Variants in CENPT observed in about 807,000 individuals in gnomAD.
CENPT encodes centromere protein T, also known as interphase centromere complex protein 22.
Under a neutral mutation model 59.7 loss-of-function variants are expected in CENPT, and 42 were observed. That is an observed-to-expected ratio of 0.70 (90% CI 0.55 to 0.91). CENPT has a LOEUF of 0.91. Ranked by LOEUF, CENPT falls within the 40% of genes least tolerant of loss-of-function variation. The pLI, the probability that CENPT is intolerant of heterozygous loss-of-function variation, is 0.00. For missense variants in CENPT, 716 were observed against 713.4 expected (o/e 1.00, Z -0.04); for synonymous variants, 295 against 289.6 (o/e 1.02, Z -0.19).
At chr16:67,838,830 G>A (rs1271709403) in intron 1 of CENPT, among the ~76,000 whole-genome samples, 1 of 151,804 alleles carries the variant, frequency 6.6e-6, no homozygotes, top group African/African-American at 2.4e-5. Context: ...AGGAGGCTGA[G>A]GCAGGAAAAT....
intron 1 of CENPT, among the ~76,000 whole-genome samples, chr16:67,839,079 C>T (rs1407987656): frequency 6.6e-6 from 1 of 151,710 alleles, no homozygotes; most frequent in African/African-American, 2.4e-5. Context: ...GTTGAAACTC[C>T]ATCTCTTCTA....
At chr16:67,838,728 C>T (rs142171023) in intron 1 of CENPT, among the ~76,000 whole-genome samples, 61 of 151,398 alleles carry the variant, frequency 4.0e-4, no homozygotes, top group Admixed American at 1.3e-3. Flanking sequence ...GAGGTCAAGG[C>T]CAGTCTGGCC....
At chr16:67,845,241 A>T (rs994866179) in intron 1 of CENPT, among the ~76,000 whole-genome samples, 4 of 152,192 alleles carry the variant, frequency 2.6e-5, no homozygotes, top group African/African-American at 7.2e-5. Flanking sequence ...GGAGACTTTC[A>T]GACCCCATAA....
At chr16:67,838,932 C>CAAA (rs58802560) in intron 1 of CENPT, among the ~76,000 whole-genome samples, 2 of 86,064 alleles carry the variant, frequency 2.3e-5, no homozygotes, top group Admixed American at 1.3e-4. Flanking sequence ...GACTCTGTCT[C>CAAA]AAAAAAAAAA....
intron 1 of CENPT, among the ~76,000 whole-genome samples, chr16:67,846,079 A>G (rs746891455): frequency 1.1e-4 from 17 of 152,244 alleles, no homozygotes; most frequent in Non-Finnish European, 1.9e-4. Flanking sequence ...GACTGGCCTT[A>G]CCACAAATGT....
chr16:67,838,035 T>C lies in CENPT; in HGVS notation c.-491-2377A>G, dbSNP rs138414841. Among the ~76,000 whole-genome samples, 949 of 152,308 alleles carry C rather than the reference T, an allele frequency of 6.2e-3. 13 individuals are homozygous for C. The highest frequency in any genetic ancestry group is 0.022 in the African/African-American group (906 of 41,552). The stretch of plus-strand genomic sequence containing the variant: ...GGCAGGGAGACATGTGATGAGGTTC[T>C]TGCCTTTCTCCAGGGGTGATTAAGA... On this transcript the variant is annotated intron_variant, in intron 1 of 15. Transcript: ENST00000562787.
At chr16:67,833,130 G>T (rs988885557) in intron 4 of CENPT, among the ~76,000 whole-genome samples, 7 of 152,118 alleles carry the variant, frequency 4.6e-5, no homozygotes, top group Non-Finnish European at 8.8e-5. Flanking sequence ...TCTGCACCAT[G>T]AGCTCACCAC....
chr16:67,830,632 G>A lies in CENPT; in HGVS notation c.704-84C>T, dbSNP rs529977390. ...GCTCTCAGCGTATTCCAGGCCCACCGGCTGCTACTCAGCGTTGCCAGGGCC... is the reference window on the plus strand; with the variant it reads ...GCTCTCAGCGTATTCCAGGCCCACCAGCTGCTACTCAGCGTTGCCAGGGCC... On this transcript the variant is annotated intron_variant, in intron 10 of 15. Transcript: ENST00000562787. 381 of 1,432,714 alleles carry A rather than the reference G, an allele frequency of 2.7e-4. 1 individual carries two copies. Among genetic ancestry groups the A allele is most frequent in the South Asian group, 5.4e-4 (45 of 83,498 alleles). The allele number at this position is 1,432,714 out of a possible 1,614,324, so 88.8% of individuals were successfully genotyped here. A position where few individuals can be genotyped will look rare whatever the true frequency, so the allele number is the denominator to read the frequency against.
At position 67,842,785 on chromosome 16, in the gene CENPT, C is replaced by T. The variant is rs1229866485; in HGVS notation, c.-492+4616G>A. Reference sequence around the variant, plus strand: ...GCAAGACCTACACGGTACGCGTCCCCACCATCTTCCCGCTGCGCGGCGTCA... The same window carrying T: ...GCAAGACCTACACGGTACGCGTCCCTACCATCTTCCCGCTGCGCGGCGTCA... On this transcript the variant is annotated intron_variant, in intron 1 of 15. Transcript: ENST00000562787. This position sits in a 1 kb window ranked among gnomAD's most constrained non-coding sequence, Gnocchi z 4.9. 2 of 1,611,170 alleles carry T rather than the reference C, an allele frequency of 1.2e-6. No individual in the cohort carries two copies. Among genetic ancestry groups the T allele is most frequent in the Non-Finnish European group, 8.5e-7 (1 of 1,179,054 alleles).
intron 1 of CENPT, among the ~76,000 whole-genome samples, chr16:67,840,589 C>T (rs371713243): frequency 9.8e-6 from 1 of 102,252 alleles, no homozygotes; most frequent in African/African-American, 3.9e-5. Flanking sequence ...GGTCTAATTG[C>T]GGGGGGCGGG....
intron 1 of CENPT, among the ~76,000 whole-genome samples, chr16:67,840,208 C>T (rs1309931675): frequency 6.6e-6 from 1 of 152,090 alleles, no homozygotes. Flanking sequence ...GTCCCAGCTA[C>T]TTGGGAGGCT....
At chr16:67,833,477 G>A (rs931847684) in intron 4 of CENPT, among the ~76,000 whole-genome samples, 3 of 152,228 alleles carry the variant, frequency 2.0e-5, no homozygotes, top group Non-Finnish European at 4.4e-5. Flanking sequence ...GTGGTCCCGA[G>A]GGCTGGCTGC....
At chr16:67,833,483 G>A (rs1219844681) in intron 4 of CENPT, among the ~76,000 whole-genome samples, 1 of 152,242 alleles carries the variant, frequency 6.6e-6, no homozygotes, top group Non-Finnish European at 1.5e-5. Context: ...CCGAGGGCTG[G>A]CTGCCTGGAG....
chr16:67,846,668 C>G (rs943155966), intron 1 of CENPT: 3 of 152,594 alleles, frequency 2.0e-5, no homozygotes, highest in South Asian at 2.1e-4. Flanking sequence ...ACAACTGAGC[C>G]CTGACCCTAG....
chr16:67,828,914 T>C, intron 13 of CENPT, 71 bp from the exon 14 acceptor site: 1 of 1,485,058 alleles, frequency 6.7e-7, no homozygotes, highest in Non-Finnish European at 9.0e-7. Flanking sequence ...CAAGTCTTGC[T>C]GGCTTCTGCT....
At chr16:67,835,816 T>C (rs1284436468) in intron 1 of CENPT, among the ~76,000 whole-genome samples, 158 bp from the exon 2 acceptor site, 1 of 152,168 alleles carries the variant, frequency 6.6e-6, no homozygotes, top group South Asian at 2.1e-4. Flanking sequence ...CCATGGTTAC[T>C]ACCTAAATGC....
chr16:67,828,166 T>C lies in CENPT; in HGVS notation c.*101A>G, dbSNP rs1273783917. 1 of 1,321,994 alleles carries C rather than the reference T, an allele frequency of 7.6e-7. No individual in the cohort carries two copies. Among genetic ancestry groups the C allele is most frequent in the Non-Finnish European group, 1.0e-6 (1 of 982,310 alleles). 81.9% of individuals were successfully genotyped at this position (1,321,994 alleles called of 1,614,324 possible). On this transcript the variant is annotated 3_prime_UTR_variant, in exon 16 of 16. Transcript: ENST00000562787. ...ACCAAAATGCAGAATATTCTGTTTA[T>C]GACACTTTATTGATGCTGGGGGGGT...
Position 67,842,471 on chromosome 16 carries a change from TCGAGGGGCGGGCGGCGGCG to T in CENPT, c.-492+4911_-492+4929del. On this transcript the variant is annotated intron_variant, in intron 1 of 15. Transcript: ENST00000562787. The surrounding 1 kb of genome is among the most constrained non-coding windows in gnomAD (Gnocchi z 4.9). ...CCAAGGCCTCGCGCGGCGCCGCCCG[TCGAGGGGCGGGCGGCGGCG>T]TAGCCACTGGGCCGTCGAAGAGCGC... is the stretch of plus-strand genomic sequence containing the variant. 9.2e-7 allele frequency: 1 copy of T among 1,082,858 alleles called. No individual in the cohort carries two copies. The highest frequency in any genetic ancestry group is 1.2e-6 in the Non-Finnish European group (1 of 855,096). 67.1% of individuals were successfully genotyped at this position (1,082,858 alleles called of 1,614,324 possible).
At position 67,842,951 on chromosome 16, in the gene CENPT, T is replaced by C. The variant is rs139697290; in HGVS notation, c.-492+4450A>G. 9 of 1,598,762 alleles carry C rather than the reference T, an allele frequency of 5.6e-6. No individual in the cohort carries two copies. Among genetic ancestry groups the C allele is most frequent in the African/African-American group, 4.1e-5 (3 of 73,228 alleles). ...GCAGCAGCAGCAGCAGCAGCAGCAG[T>C]CCTCACCCTCTGCCTCCACTGCCCA... is the stretch of plus-strand genomic sequence containing the variant. On this transcript the variant is annotated intron_variant, in intron 1 of 15. Transcript: ENST00000562787. This position sits in a 1 kb window ranked among gnomAD's most constrained non-coding sequence, Gnocchi z 4.9.
Sources: gnomAD v4.1 joint callset for allele counts (sites outside exome capture counted in the v4.1 genomes callset) on GRCh38, gnomAD v4.1.1 for gene constraint, Gnocchi (gnomAD v3.1) non-coding constraint, MANE v1.5 for transcripts, NCBI Gene and HGNC (gene_info 2026-07-23, HGNC 2026-07-21) for gene names.